The following TTC21A variants were observed in gnomAD, a reference collection of about 807,000 sequenced individuals.
The protein encoded by TTC21A is tetratricopeptide repeat domain 21A.
In TTC21A, 128 loss-of-function variants were observed where a neutral mutation model predicts 156.4. The observed-to-expected ratio is 0.82, with a 90% CI of 0.71 to 0.95. TTC21A has a LOEUF of 0.95. Ranked by LOEUF, TTC21A falls within the 40% of genes least tolerant of loss-of-function variation. TTC21A has a pLI of 0.00. For missense variants in TTC21A, 1,435 were observed against 1,602.3 expected (o/e 0.90, Z 1.78); for synonymous variants, 587 against 617.1 (o/e 0.95, Z 0.72).
chr3:39,107,923 G>A, intron 1 of TTC21A, 59 bp downstream of exon 1: 1 of 1,600,530 alleles, frequency 6.2e-7, no homozygotes, highest in African/African-American at 1.3e-5. Context: ...CTGACCCAGA[G>A]ACCGTCTGCC....
In TTC21A at chr3:39,118,111, TCTAA is replaced by T; in HGVS notation, c.761_764del (p.Leu254ProfsTer11). 1 of 1,614,188 alleles carries T rather than the reference TCTAA, an allele frequency of 6.2e-7. No individual in the cohort carries two copies. Among genetic ancestry groups the T allele is most frequent in the Non-Finnish European group, 8.5e-7 (1 of 1,180,022 alleles). On this transcript the variant is annotated frameshift_variant, in exon 7 of 29. Coordinates refer to ENST00000683103, the MANE Select transcript of TTC21A (RefSeq NM_001366900.1). LOFTEE classifies it high-confidence loss of function. ...AGAGCAATATTGATGCCTGCCAAAT[TCTAA>T]CCGTGCATGAGCTTGCAAGAGAAGG...
intron 10 of TTC21A, 61 bp from the exon 11 acceptor site, chr3:39,125,271 C>T (rs2038127789): frequency 1.9e-6 from 3 of 1,582,066 alleles, no homozygotes; most frequent in Non-Finnish European, 2.6e-6. Flanking sequence ...TCACTTTGCC[C>T]TTGCCTACCA....
chr3:39,112,511 G>T lies in TTC21A; in HGVS notation c.489G>T (p.Ala163=), dbSNP rs199978343. The stretch of plus-strand genomic sequence containing the variant: ...TGACCTCAGACAAGCCCCACACTGC[G>T]AAGAAAGCCATTGAGTACCTGGAAC... The part of the protein sequence containing the change: ...VDLTSDKPHT[A]KKAIEYLEQG... Residue 163 remains alanine (A), a synonymous_variant, in exon 5 of 29, where the codon GCG becomes GCT. Transcript: ENST00000683103. The T allele has an allele frequency of 6.2e-7, 1 of 1,614,164 alleles. No homozygotes were observed. The highest frequency in any genetic ancestry group is 8.5e-7 in the Non-Finnish European group (1 of 1,180,032).
chr3:39,119,631 C>CA (rs56678795), intron 7 of TTC21A: 1,411 of 132,230 alleles, frequency 0.011, no homozygotes, highest in South Asian at 0.026. Context: ...AAGGAGCAGT[C>CA]AAAAAAAAAA....
intron 9 of TTC21A, among the ~76,000 whole-genome samples, chr3:39,124,178 T>C (rs898226741): frequency 6.6e-6 from 1 of 152,178 alleles, no homozygotes; most frequent in Admixed American, 6.5e-5. Flanking sequence ...CATCATAGCA[T>C]TGTAGTATTT....
intron 10 of TTC21A, 52 bp downstream of exon 10, chr3:39,125,212 C>A: frequency 6.5e-7 from 1 of 1,535,804 alleles, no homozygotes; most frequent in Non-Finnish European, 9.0e-7. Context: ...CCTCTGCTGT[C>A]CTCCCACCCC....
In TTC21A at chr3:39,129,554, A is replaced by T. The variant is rs112445339; in HGVS notation, c.2135+244A>T. Among the ~76,000 whole-genome samples, 470 of 152,338 alleles carry T rather than the reference A, an allele frequency of 3.1e-3. 2 individuals are homozygous for T. The highest frequency in any genetic ancestry group is 0.011 in the African/African-American group (442 of 41,582). ...GCTTGCCTCCCCCTCACCTGCTTGC[A>T]CATGCTAGTGGGAGACTGTAGGCCT... On this transcript the variant is annotated intron_variant, in intron 15 of 28. Transcript: ENST00000683103.
intron 24 of TTC21A, 34 bp downstream of exon 24, chr3:39,137,094 G>C (rs200754407): frequency 7.5e-6 from 12 of 1,605,584 alleles, no homozygotes; most frequent in Non-Finnish European, 1.0e-5. Flanking sequence ...CGGAACCCTG[G>C]GGAAGTTACA....
At chr3:39,121,324 G>T in intron 9 of TTC21A, 135 bp downstream of exon 9, 1 of 720,898 alleles carries the variant, frequency 1.4e-6, no homozygotes, top group South Asian at 1.9e-5. Context: ...ATGTATGATG[G>T]GGTATCTTTC....
At chr3:39,117,512 C>T (rs1236994559) in intron 6 of TTC21A, among the ~76,000 whole-genome samples, 2 of 152,198 alleles carry the variant, frequency 1.3e-5, no homozygotes, top group Non-Finnish European at 2.9e-5. Flanking sequence ...GTGACTGCCC[C>T]CCAAGTGCCT....
chr3:39,136,478 G>A lies in TTC21A; in HGVS notation c.3066G>A (p.Gly1022=). 1.2e-6 allele frequency: 2 copies of A among 1,614,254 alleles called. No individual in the cohort carries two copies. Among genetic ancestry groups the A allele is most frequent in the Middle Eastern group, 3.3e-4 (2 of 6,062 alleles). Residue 1022 remains glycine, a synonymous_variant, in exon 23 of 29, where the codon GGG becomes GGA. Coordinates refer to ENST00000683103, the MANE Select transcript of TTC21A (RefSeq NM_001366900.1). The part of the protein sequence containing the change: ...KVSSRVPLEP[G]FNYCRGIYCW... Reference sequence around the variant, plus strand: ...CTAGCCGGGTGCCTTTGGAACCAGGGTTCAATTACTGCAGAGGTATCTACT... The same window carrying A: ...CTAGCCGGGTGCCTTTGGAACCAGGATTCAATTACTGCAGAGGTATCTACT...
intron 7 of TTC21A, 138 bp downstream of exon 7, chr3:39,118,291 C>T (rs1332388824): frequency 1.7e-5 from 14 of 802,016 alleles, no homozygotes; most frequent in Non-Finnish European, 1.9e-5. Flanking sequence ...CACCCCTATA[C>T]TCGCTGCCAA....
chr3:39,128,671 T>TAGC, intron 13 of TTC21A, 46 bp from the exon 14 acceptor site: 1 of 1,592,948 alleles, frequency 6.3e-7, no homozygotes, highest in East Asian at 2.2e-5. Context: ...GCAGCAGCAG[T>TAGC]AGCAGCAGTG....
intron 2 of TTC21A, 118 bp downstream of exon 2, chr3:39,109,332 C>T: frequency 1.7e-6 from 2 of 1,183,754 alleles, no homozygotes; most frequent in Non-Finnish European, 1.2e-6. Flanking sequence ...CAGTTTCACA[C>T]TCAGCGGCTG....
chr3:39,121,222 G>A (rs1429398311), intron 9 of TTC21A, 33 bp downstream of exon 9: 2 of 1,582,326 alleles, frequency 1.3e-6, no homozygotes, highest in African/African-American at 1.3e-5. Context: ...TCAGGGATGG[G>A]TGTCGGGAGC....
chr3:39,111,046 C>T (rs200448447), intron 4 of TTC21A, 29 bp downstream of exon 4: 16 of 1,575,302 alleles, frequency 1.0e-5, no homozygotes, highest in East Asian at 6.8e-5. Context: ...GGACAACAGG[C>T]GAAGAAAGCA....
In TTC21A at chr3:39,118,119, T is replaced by C; in HGVS notation, c.767T>C (p.Val256Ala). The C allele has an allele frequency of 6.2e-7, 1 of 1,614,182 alleles. No individual in the cohort carries two copies. Among genetic ancestry groups the C allele is most frequent in the Non-Finnish European group, 8.5e-7 (1 of 1,180,012 alleles). ...SNIDACQILT[V>A]HELAREGNMT... ...ATTGATGCCTGCCAAATTCTAACCG[T>C]GCATGAGCTTGCAAGAGAAGGAAAC... The change falls in exon 7 of 29, where the codon GTG becomes GCG. Residue 256 changes from valine to alanine, a missense_variant. By Grantham distance (64) the Val-to-Ala change is moderately conservative. Transcript: ENST00000683103.
intron 4 of TTC21A, 80 bp from the exon 5 acceptor site, chr3:39,112,378 G>A (rs937929605): frequency 1.0e-4 from 154 of 1,512,880 alleles, no homozygotes; most frequent in Non-Finnish European, 1.4e-4. Flanking sequence ...GTTTTGGGTG[G>A]CAAAGTGTGG....
intron 6 of TTC21A, 119 bp downstream of exon 6, chr3:39,114,861 T>G (rs2037144135): frequency 8.3e-7 from 1 of 1,201,600 alleles, no homozygotes; most frequent in Non-Finnish European, 1.2e-6. Flanking sequence ...AACTGGGAAT[T>G]GTGCTATGGC....
Sources: allele counts gnomAD v4.1 joint callset (sites outside exome capture counted in the v4.1 genomes callset), GRCh38; gene constraint gnomAD v4.1.1; transcripts MANE v1.5; gene names NCBI Gene and HGNC (gene_info 2026-07-23, HGNC 2026-07-21).